RPS6KC1: variants seen among roughly 807,000 people sequenced by gnomAD.
RPS6KC1 encodes ribosomal protein S6 kinase C1, also known as inactive ribosomal protein S6 kinase delta-1.
A neutral mutation model predicts 103.8 loss-of-function variants in RPS6KC1; 54 were observed. The observed-to-expected ratio is 0.52, with a 90% CI of 0.42 to 0.65. RPS6KC1 has a LOEUF of 0.65. RPS6KC1 is among the 30% of genes least tolerant of loss of function. RPS6KC1 has a pLI of 0.00. For synonymous variants in RPS6KC1, 439 were observed against 438.7 expected, an observed-to-expected ratio of 1.00 and a Z score of -0.01; for missense variants, 1,151 against 1,253.8, an observed-to-expected ratio of 0.92 and a Z score of 1.24.
chr1:213,555,138 G>A, the RPS6KC1 span, among the ~76,000 whole-genome samples: 1 of 152,186 alleles, frequency 6.6e-6, no homozygotes, highest in African/African-American at 2.4e-5. Flanking sequence ...TGTTCAACTT[G>A]TTTTAAGGAC....
intron 10 of RPS6KC1, among the ~76,000 whole-genome samples, chr1:213,237,521 A>G (rs2094249692): frequency 6.6e-6 from 1 of 151,870 alleles, no homozygotes; most frequent in Non-Finnish European, 1.5e-5. Flanking sequence ...TTATACATAC[A>G]TGTTTTTGTT....
At chr1:213,122,647 A>C (rs903807861) in intron 5 of RPS6KC1, among the ~76,000 whole-genome samples, 1 of 152,184 alleles carries the variant, frequency 6.6e-6, no homozygotes, top group African/African-American at 2.4e-5. Context: ...ATTAAGTGCA[A>C]ATGTCCACTA....
chr1:213,094,268 A>G (rs191671101), intron 3 of RPS6KC1, among the ~76,000 whole-genome samples: 68 of 152,132 alleles, frequency 4.5e-4, no homozygotes, highest in African/African-American at 1.6e-3. Context: ...CCTACTCCCC[A>G]TGTTTCTGCT....
the RPS6KC1 span, among the ~76,000 whole-genome samples, chr1:213,851,828 C>T: frequency 6.6e-6 from 1 of 152,176 alleles, no homozygotes; most frequent in Non-Finnish European, 1.5e-5. Context: ...GGAGCCACCC[C>T]AGCCTCTCCC....
At chr1:213,329,527 G>C in the RPS6KC1 span, among the ~76,000 whole-genome samples, 2 of 151,958 alleles carry the variant, frequency 1.3e-5, no homozygotes, top group African/African-American at 4.8e-5. Flanking sequence ...GACACCACCA[G>C]ATAGAGCCTT....
chr1:213,593,575 A>T, the RPS6KC1 span, among the ~76,000 whole-genome samples: 1 of 152,240 alleles, frequency 6.6e-6, no homozygotes, highest in African/African-American at 2.4e-5. Flanking sequence ...GGTCCTAAAC[A>T]GTGAACTGTC....
At chr1:213,183,216 C>T (rs924207918) in intron 8 of RPS6KC1, among the ~76,000 whole-genome samples, 3 of 152,088 alleles carry the variant, frequency 2.0e-5, no homozygotes, top group Admixed American at 6.6e-5. Flanking sequence ...TAGGCAGTTA[C>T]AGGTGGAGAC....
chr1:213,746,331 T>C, the RPS6KC1 span, among the ~76,000 whole-genome samples: 1 of 152,156 alleles, frequency 6.6e-6, no homozygotes, highest in Non-Finnish European at 1.5e-5. Flanking sequence ...TGTGCAGGGA[T>C]ACAGAGTCAG....
At chr1:213,426,645 C>T in the RPS6KC1 span, among the ~76,000 whole-genome samples, 1 of 152,180 alleles carries the variant, frequency 6.6e-6, no homozygotes, top group African/African-American at 2.4e-5. Context: ...TACCAGTATT[C>T]ACTATCTAAT....
chr1:213,744,457 C>G, the RPS6KC1 span, among the ~76,000 whole-genome samples: 4 of 152,144 alleles, frequency 2.6e-5, no homozygotes, highest in Admixed American at 2.6e-4. Flanking sequence ...CCCTATTGCC[C>G]CCTCCAAAAT....
chr1:213,668,873 C>T, the RPS6KC1 span, among the ~76,000 whole-genome samples: 1 of 152,208 alleles, frequency 6.6e-6, no homozygotes, highest in Non-Finnish European at 1.5e-5. Flanking sequence ...TTTCCTTAAC[C>T]TCATGAACCA....
intron 2 of RPS6KC1, among the ~76,000 whole-genome samples, chr1:213,075,674 A>T (rs893019071): frequency 3.3e-5 from 5 of 152,168 alleles, no homozygotes; most frequent in Non-Finnish European, 7.4e-5. Flanking sequence ...CTGTAGCAAA[A>T]CTTGCTACAC....
At chr1:213,065,277 TTG>T (rs1192088750) in intron 1 of RPS6KC1, among the ~76,000 whole-genome samples, 1 of 152,168 alleles carries the variant, frequency 6.6e-6, no homozygotes, top group Admixed American at 6.5e-5. Flanking sequence ...GTCTGGCCCT[TTG>T]TGAACTTTTA....
intron 8 of RPS6KC1, among the ~76,000 whole-genome samples, chr1:213,188,192 G>A (rs993634061): frequency 3.3e-5 from 5 of 152,028 alleles, no homozygotes; most frequent in African/African-American, 9.7e-5. Context: ...AGGCAGTCAC[G>A]ATGCTTCCCA....
At chr1:213,288,335 T>G in the RPS6KC1 span, among the ~76,000 whole-genome samples, 11 of 152,210 alleles carry the variant, frequency 7.2e-5, no homozygotes, top group Admixed American at 7.2e-4. Context: ...AGCAACCAGC[T>G]CACCTTGCAT....
At chr1:213,263,981 C>T (rs1338676410) in intron 14 of RPS6KC1, among the ~76,000 whole-genome samples, 1 of 151,442 alleles carries the variant, frequency 6.6e-6, no homozygotes, top group African/African-American at 2.4e-5. Flanking sequence ...TGAACAAAGG[C>T]AAGGAAGGAG....
chr1:213,804,874 T>G, the RPS6KC1 span, among the ~76,000 whole-genome samples: 1 of 152,208 alleles, frequency 6.6e-6, no homozygotes, highest in Admixed American at 6.5e-5. Flanking sequence ...TATTTGAGGG[T>G]TTATTTTACA....
At chr1:213,349,357 G>A in the RPS6KC1 span, among the ~76,000 whole-genome samples, 5 of 152,152 alleles carry the variant, frequency 3.3e-5, no homozygotes, top group African/African-American at 4.8e-5. Context: ...TGACGTGGGG[G>A]ACGGTAATGC....
chr1:213,636,323 C>G, the RPS6KC1 span, among the ~76,000 whole-genome samples: 1 of 152,084 alleles, frequency 6.6e-6, no homozygotes, highest in East Asian at 1.9e-4. Context: ...GAAACCTAAG[C>G]AAAAAGAACA....
Sources: gnomAD v4.1 joint callset for allele counts (sites outside exome capture counted in the v4.1 genomes callset) on GRCh38, gnomAD v4.1.1 for gene constraint, MANE v1.5 for transcripts, NCBI Gene and HGNC (gene_info 2026-07-23, HGNC 2026-07-21) for gene names.